RALGPS2: variants seen among roughly 807,000 people sequenced by gnomAD.
The protein encoded by RALGPS2 is Ral GEF with PH domain and SH3 binding motif 2.
RALGPS2 carries 43 observed loss-of-function variants against 86.8 expected under a neutral mutation model. The observed-to-expected ratio is 0.50, with a 90% confidence interval of 0.39 to 0.64. The LOEUF is 0.64. RALGPS2 is among the 30% of genes least tolerant of loss of function. The probability of loss-of-function intolerance (pLI) is 0.00; values close to 1 mark genes in which losing one functional copy is unlikely to be tolerated. For missense variants in RALGPS2, 536 were observed against 694.6 expected (o/e 0.77, Z 2.57); for synonymous variants, 243 against 231.3 (o/e 1.05, Z -0.46).
intron 1 of RALGPS2, among the ~76,000 whole-genome samples, chr1:178,756,519 C>CT (rs1456421221): frequency 6.6e-6 from 1 of 152,058 alleles, no homozygotes; most frequent in Non-Finnish European, 1.5e-5. Flanking sequence ...GTCTGTATGT[C>CT]TGTTTTGTAC....
intron 8 of RALGPS2, among the ~76,000 whole-genome samples, chr1:178,854,073 C>T (rs1025734388): frequency 1.3e-5 from 2 of 151,912 alleles, no homozygotes; most frequent in African/African-American, 4.8e-5. Flanking sequence ...CATTTTCATG[C>T]AGCTATAGTC....
At chr1:178,897,847 T>G in intron 17 of RALGPS2, 91 bp downstream of exon 17, 1 of 1,040,642 alleles carries the variant, frequency 9.6e-7, no homozygotes. Context: ...AAAGGTTTTT[T>G]GGGTTTGCCT....
chr1:178,851,258 G>A, intron 8 of RALGPS2: 1 of 1,613,822 alleles, frequency 6.2e-7, no homozygotes, highest in Non-Finnish European at 8.5e-7. Context: ...CTCCATTTAG[G>A]TTAGAATGTG....
At chr1:178,825,286 G>A (rs1362301657) in intron 7 of RALGPS2, among the ~76,000 whole-genome samples, 1 of 152,062 alleles carries the variant, frequency 6.6e-6, no homozygotes, top group Non-Finnish European at 1.5e-5. Flanking sequence ...GGTGAAAGAC[G>A]GAAAATATGA....
At chr1:178,789,348 G>A (rs1653839983) in intron 4 of RALGPS2, among the ~76,000 whole-genome samples, 1 of 152,234 alleles carries the variant, frequency 6.6e-6, no homozygotes, top group Non-Finnish European at 1.5e-5. Flanking sequence ...AGAGATAAAT[G>A]AGAAGTTGCC....
chr1:178,733,403 A>G (rs1292082550), intron 1 of RALGPS2, among the ~76,000 whole-genome samples: 3 of 152,240 alleles, frequency 2.0e-5, no homozygotes, highest in South Asian at 2.1e-4. Context: ...TTTAAAACAA[A>G]TGGACAAAAG....
At chr1:178,866,609 C>T (rs952541860) in intron 8 of RALGPS2, among the ~76,000 whole-genome samples, 3 of 152,006 alleles carry the variant, frequency 2.0e-5, no homozygotes, top group African/African-American at 7.2e-5. Context: ...CAACCATTAC[C>T]AAGGAAAGAA....
intron 7 of RALGPS2, 53 bp downstream of exon 7, chr1:178,821,757 G>GA: frequency 7.8e-7 from 1 of 1,275,824 alleles, no homozygotes; most frequent in Non-Finnish European, 1.1e-6. Context: ...GGAAAGGAAA[G>GA]ATATATTCAT....
At chr1:178,852,751 C>T in intron 8 of RALGPS2, 1 of 1,613,868 alleles carries the variant, frequency 6.2e-7, no homozygotes, top group Non-Finnish European at 8.5e-7. Flanking sequence ...CATAGAATCC[C>T]CTGCATTTCC....
intron 1 of RALGPS2, among the ~76,000 whole-genome samples, chr1:178,769,619 A>G (rs1652684452): frequency 6.6e-6 from 1 of 152,128 alleles, no homozygotes; most frequent in Non-Finnish European, 1.5e-5. Context: ...CTGCTGCACC[A>G]CGATCTTAGG....
intron 15 of RALGPS2, among the ~76,000 whole-genome samples, chr1:178,893,452 TC>T (rs71569218): frequency 0.064 from 9,435 of 146,958 alleles, 411 homozygotes; most frequent in Non-Finnish European, 0.097. Context: ...AAGCATGTTT[TC>T]TTTTTTTTTT....
chr1:178,896,705 T>C (rs1659961311), intron 16 of RALGPS2, among the ~76,000 whole-genome samples: 1 of 145,866 alleles, frequency 6.9e-6, no homozygotes, highest in Non-Finnish European at 1.5e-5. Context: ...AGTGAGAATA[T>C]GCGGTGTTTG....
intron 4 of RALGPS2, among the ~76,000 whole-genome samples, chr1:178,789,742 T>G (rs1221155014): frequency 6.6e-6 from 1 of 152,172 alleles, no homozygotes; most frequent in African/African-American, 2.4e-5. Flanking sequence ...GGTACTTGAT[T>G]TGCTTGCCTC....
At chr1:178,907,811 A>T (rs1397195584) in intron 19 of RALGPS2, among the ~76,000 whole-genome samples, 1 of 152,350 alleles carries the variant, frequency 6.6e-6, no homozygotes, top group African/African-American at 2.4e-5. Flanking sequence ...TCATATCAGG[A>T]TGTAAGTTAT....
chr1:178,734,670 A>G (rs1188944261), intron 1 of RALGPS2, among the ~76,000 whole-genome samples: 1 of 152,360 alleles, frequency 6.6e-6, no homozygotes, highest in South Asian at 2.1e-4. Flanking sequence ...GTATGAAGCA[A>G]ACAACTCCGA....
At chr1:178,802,240 T>G (rs1020040406) in intron 4 of RALGPS2, among the ~76,000 whole-genome samples, 10 of 152,054 alleles carry the variant, frequency 6.6e-5, no homozygotes, top group Admixed American at 1.3e-4. Context: ...AAAATGTTAT[T>G]AGGAAAAATA....
intron 8 of RALGPS2, among the ~76,000 whole-genome samples, chr1:178,856,230 T>G (rs1393970301): frequency 1.5e-5 from 2 of 135,724 alleles, no homozygotes; most frequent in African/African-American, 3.1e-5. Context: ...TATATATATA[T>G]ATATGGTTTT....
chr1:178,899,653 GTT>G (rs57623890), intron 17 of RALGPS2, among the ~76,000 whole-genome samples: 1 of 140,556 alleles, frequency 7.1e-6, no homozygotes. Context: ...TTTGGTTTTG[GTT>G]TTTTTTTTTG....
intron 8 of RALGPS2, among the ~76,000 whole-genome samples, chr1:178,867,993 T>A (rs1429652237): frequency 1.3e-5 from 2 of 151,962 alleles, no homozygotes; most frequent in Non-Finnish European, 2.9e-5. Context: ...TATGGAGAAT[T>A]ATTATTATTT....
Sources: gnomAD v4.1 joint callset for allele counts (sites outside exome capture counted in the v4.1 genomes callset) on GRCh38, gnomAD v4.1.1 for gene constraint, MANE v1.5 for transcripts, NCBI Gene and HGNC (gene_info 2026-07-23, HGNC 2026-07-21) for gene names.